The following FANCA variants were observed in gnomAD, a reference collection of about 807,000 sequenced individuals.
The protein encoded by FANCA is FA complementation group A.
In FANCA, 236 loss-of-function variants were observed where a neutral mutation model predicts 194.3. The observed-to-expected ratio is 1.21, with a 90% CI of 1.09 to 1.35. The LOEUF (loss-of-function observed/expected upper bound fraction) is 1.35, where lower values mean the gene tolerates loss of function less well. Among genes scored for constraint, FANCA ranks in the 40% most tolerant of loss-of-function variants. The probability of loss-of-function intolerance (pLI) is 0.00; values close to 1 mark genes in which losing one functional copy is unlikely to be tolerated. For synonymous variants in FANCA, 1,014 were observed against 715.8 expected, an observed-to-expected ratio of 1.42 and a Z score of -6.65; for missense variants, 2,628 against 1,813.9, an observed-to-expected ratio of 1.45 and a Z score of -8.15.
chr16:89,752,737 G>A (rs937158367), intron 30 of FANCA, among the ~76,000 whole-genome samples: 7 of 152,224 alleles, frequency 4.6e-5, no homozygotes, highest in African/African-American at 7.2e-5. Context: ...GCCTTCTGTT[G>A]TGCCCGGACA....
intron 15 of FANCA, among the ~76,000 whole-genome samples, chr16:89,783,723 A>G (rs1157594095): frequency 6.6e-6 from 1 of 152,140 alleles, no homozygotes; most frequent in Non-Finnish European, 1.5e-5. Context: ...CTGCAGCTCC[A>G]TGCCTTTGAC....
At position 89,784,863 on chromosome 16, in the gene FANCA, C is replaced by T. The variant is rs770851522; in HGVS notation, c.1461G>A (p.Arg487=). ...LSELVPFESP[R]YLQVHILHPP... ...GCAGCCAGCTTCTCACCTGCAGGTA[C>T]CGGGGAGACTCAAAAGGCACGAGTT... Residue 487 remains arginine (R), a synonymous_variant, in exon 15 of 43, where the codon CGG becomes CGA. Transcript: ENST00000389301. 6.8e-6 allele frequency: 11 copies of T among 1,612,888 alleles called. No individual in the cohort carries two copies. The East Asian group carries it at 1.8e-4, about 26-fold the overall frequency.
intron 30 of FANCA, among the ~76,000 whole-genome samples, chr16:89,752,545 C>A (rs1221915987): frequency 6.6e-6 from 1 of 152,152 alleles, no homozygotes; most frequent in Non-Finnish European, 1.5e-5. Flanking sequence ...ATAGTTATAC[C>A]AGATATAGAT....
intron 22 of FANCA, 84 bp from the exon 23 acceptor site, chr16:89,771,898 C>T: frequency 6.6e-7 from 1 of 1,507,820 alleles, no homozygotes; most frequent in Non-Finnish European, 9.2e-7. Flanking sequence ...CGCCTCCCGT[C>T]AAGTACGATT....
At chr16:89,770,305 G>A in intron 24 of FANCA, 46 bp from the exon 25 acceptor site, 2 of 1,473,102 alleles carry the variant, frequency 1.4e-6, no homozygotes, top group Non-Finnish European at 1.9e-6. Flanking sequence ...ATTCAGTCCT[G>A]CACATCCCTC....
At chr16:89,755,960 T>C (rs1053265266) in intron 30 of FANCA, among the ~76,000 whole-genome samples, 5 of 151,012 alleles carry the variant, frequency 3.3e-5, no homozygotes. Context: ...CTAGGCCACA[T>C]GGCACGGCCC....
At chr16:89,812,102 G>A (rs879436935) in intron 3 of FANCA, among the ~76,000 whole-genome samples, 3 of 150,232 alleles carry the variant, frequency 2.0e-5, no homozygotes, top group Non-Finnish European at 4.5e-5. Flanking sequence ...TTGGGAGGCC[G>A]AGGCGGGCGG....
intron 35 of FANCA, among the ~76,000 whole-genome samples, chr16:89,746,316 C>T (rs996292699): frequency 5.3e-5 from 8 of 152,146 alleles, no homozygotes; most frequent in African/African-American, 1.9e-4. Context: ...TGAAGGTGCC[C>T]GTGGGGTCTG....
Position 89,745,082 on chromosome 16 carries a change from A to G in FANCA, c.3514-11T>C. 1 of 1,590,468 alleles carries G rather than the reference A, an allele frequency of 6.3e-7. No homozygotes were observed. Among genetic ancestry groups the G allele is most frequent in the Middle Eastern group, 1.7e-4 (1 of 6,028 alleles). On this transcript the variant is annotated splice_polypyrimidine_tract_variant and intron_variant, in intron 35 of 42. Transcript: ENST00000389301. ...GCTCGGCCACCACACCTATGGAGAG[A>G]GCACCAGCACACAGATGAGGGTGGC...
intron 21 of FANCA, among the ~76,000 whole-genome samples, chr16:89,774,919 C>G (rs903517575): frequency 6.6e-6 from 1 of 151,630 alleles, no homozygotes; most frequent in African/African-American, 2.4e-5. Context: ...CATGGCGAAA[C>G]CCCATCTCTA....
chr16:89,755,598 G>C (rs956467771), intron 30 of FANCA, among the ~76,000 whole-genome samples: 1 of 152,118 alleles, frequency 6.6e-6, no homozygotes, highest in Non-Finnish European at 1.5e-5. Context: ...TAAAACCTTT[G>C]TGCATTAAAC....
At chr16:89,741,420 C>A (rs11640209) in intron 37 of FANCA, among the ~76,000 whole-genome samples, 9,071 of 152,320 alleles carry the variant, frequency 0.06, 423 homozygotes, top group East Asian at 0.22. Flanking sequence ...TGCTGTCGAT[C>A]CAGCTTTGAG....
At position 89,799,278 on chromosome 16, in the gene FANCA, G is replaced by A. The variant is rs1179600033; in HGVS notation, c.827-46C>T. 1.9e-6 allele frequency: 3 copies of A among 1,609,010 alleles called. No homozygotes were observed. In the African/African-American group the frequency reaches 4.0e-5, roughly 21 times the overall value. On this transcript the variant is annotated intron_variant, in intron 9 of 42. Coordinates refer to ENST00000389301, the MANE Select transcript of FANCA (RefSeq NM_000135.4). ...AGAAAACAGATGTCAGCACACGGCG[G>A]CAGCCCACCAGAAACAATCCCCAGG...
In FANCA at chr16:89,740,042, C is replaced by T. The variant is rs2062089205; in HGVS notation, c.3886G>A (p.Glu1296Lys). Residue 1296 changes from glutamate (E) to lysine (K), a missense_variant, in exon 39 of 43, where the codon GAG (glutamate) becomes AAG (lysine). By Grantham distance (56) the Glu-to-Lys change is moderately conservative. Coordinates refer to ENST00000389301, the MANE Select transcript of FANCA (RefSeq NM_000135.4). ...GCCAGCCAGGATATCTTCCTCTTCT[C>T]TAAACACTCGAGGATTGCTGCACAA... ...HVCAAILECL[E>K]KRKISWLALF... 6.2e-7 allele frequency: 1 copy of T among 1,614,208 alleles called. No individual in the cohort carries two copies. Among genetic ancestry groups the T allele is most frequent in the Non-Finnish European group, 8.5e-7 (1 of 1,180,040 alleles).
Position 89,738,109 on chromosome 16 carries a change from A to C in FANCA, c.*492T>G. The C allele has an allele frequency of 6.2e-7, 1 of 1,613,920 alleles. No homozygotes were observed. Among genetic ancestry groups the C allele is most frequent in the Non-Finnish European group, 8.5e-7 (1 of 1,180,022 alleles). Reference sequence around the variant, plus strand: ...GCGGTTTGAGAAGGCCCACAACCTCAATGTACACATGTCCATGGTGCACCC... The same window carrying C: ...GCGGTTTGAGAAGGCCCACAACCTCCATGTACACATGTCCATGGTGCACCC... On this transcript the variant is annotated 3_prime_UTR_variant, in exon 43 of 43. Transcript: ENST00000389301.
intron 13 of FANCA, 71 bp from the exon 14 acceptor site, chr16:89,791,607 G>A (rs1205533021): frequency 1.0e-5 from 16 of 1,595,964 alleles, no homozygotes; most frequent in African/African-American, 1.3e-5. Context: ...GAGTTATGCT[G>A]GGTGATCAAG....
At position 89,758,930 on chromosome 16, in the gene FANCA, A is replaced by G. The variant is rs17226966; in HGVS notation, c.2853-225T>C. 0.06 allele frequency among the ~76,000 whole-genome samples: 9,092 copies of G among 151,994 alleles called. 425 individuals carry two copies. The highest frequency in any genetic ancestry group is 0.23 in the East Asian group (1,167 of 5,158). ...TCTCAGGAGTGACCTTTGTGACCCC[A>G]CCTTCCACGGATCAAAGGCCACTCA... On this transcript the variant is annotated intron_variant, in intron 29 of 42. Transcript: ENST00000389301.
At chr16:89,816,051 G>A (rs771901306) in intron 1 of FANCA, 65 bp from the exon 2 acceptor site, 45 of 1,257,850 alleles carry the variant, frequency 3.6e-5, no homozygotes, top group Non-Finnish European at 4.8e-5. Flanking sequence ...CCGGCCCGAC[G>A]CGCAGGTGGA....
At position 89,775,803 on chromosome 16, in the gene FANCA, G is replaced by A. The variant is rs1598120925; in HGVS notation, c.1839C>T (p.Ile613=). The A allele has an allele frequency of 3.1e-6, 5 of 1,611,266 alleles. No homozygotes were observed. The highest frequency in any genetic ancestry group is 1.1e-5 in the South Asian group (1 of 90,604). Residue 613 remains isoleucine, a synonymous_variant, in exon 21 of 43, where the codon ATC becomes ATT. Transcript: ENST00000389301. Reference sequence around the variant, plus strand: ...AGTAGGTGGAGTACAGAGATGGGGGGATTTTATCTGCTCTGGATCACAGGA... The same window carrying A: ...AGTAGGTGGAGTACAGAGATGGGGGAATTTTATCTGCTCTGGATCACAGGA... ...FIESLKRADK[I]PPSLYSTYCQ...
Sources: gnomAD v4.1 joint callset for allele counts (sites outside exome capture counted in the v4.1 genomes callset) on GRCh38, gnomAD v4.1.1 for gene constraint, MANE v1.5 for transcripts, NCBI Gene and HGNC (gene_info 2026-07-23, HGNC 2026-07-21) for gene names.